Variants in TASOR observed in about 807,000 individuals in gnomAD.
TASOR encodes protein TASOR.
TASOR carries 53 observed loss-of-function variants against 178.6 expected under a neutral mutation model. That is an observed-to-expected ratio of 0.30 (90% CI 0.24 to 0.37). The LOEUF is 0.37. TASOR is among the 10% of genes least tolerant of loss of function. TASOR has a pLI of 1.00. For missense variants in TASOR, 1,815 were observed against 1,971.4 expected (o/e 0.92, Z 1.50); for synonymous variants, 713 against 696.2 (o/e 1.02, Z -0.38).
chr3:56,648,173 C>T (rs949431478), intron 13 of TASOR, among the ~76,000 whole-genome samples: 3 of 152,038 alleles, frequency 2.0e-5, no homozygotes, highest in Non-Finnish European at 4.4e-5. Context: ...CATGATCGCA[C>T]CACTGCCTGG....
Position 56,670,091 on chromosome 3 carries a change from G to C in TASOR, c.625C>G (p.Leu209Val). 1 of 1,539,318 alleles carries C rather than the reference G, an allele frequency of 6.5e-7. No homozygotes were observed. The highest frequency in any genetic ancestry group is 1.2e-5 in the South Asian group (1 of 80,596). Reference sequence around the variant, plus strand: ...AGATTACCCATGGAAGGACTGCCAAGAATTGTTATTTTGGACTGACCCACA... The same window carrying C: ...AGATTACCCATGGAAGGACTGCCAACAATTGTTATTTTGGACTGACCCACA... ...LHVGQSKITI[L>V]GSPSMGVYLS... The change falls in exon 4 of 24, where the codon CTT becomes GTT. Residue 209 changes from leucine (L) to valine (V), a missense_variant. Transcript: ENST00000683822.
rs141205048 is a variant in TASOR, at chr3:56,633,642, G to A, written c.3149C>T (p.Pro1050Leu). 10 of 1,613,774 alleles carry A rather than the reference G, an allele frequency of 6.2e-6. No individual in the cohort carries two copies. The highest frequency in any genetic ancestry group is 2.7e-5 in the African/African-American group (2 of 74,862). ...NVSYVSTVST[P>L]IFSTQEKMKR... is the part of the protein sequence containing the mutation. ...CATCTTCTCTTGTGTTGAAAAGATA[G>A]GTGTGGAAACTGTACTGACATATGA... Residue 1050 changes from proline (P) to leucine (L), a missense_variant, in exon 18 of 24, where the codon CCT (proline) becomes CTT (leucine). Pro to Leu is a moderately conservative substitution (Grantham distance 98, BLOSUM62 -3). Around this residue, in one of 5 missense-constraint regions of TASOR, gnomAD observed 655 missense variants for 671.1 expected, o/e 0.98. Coordinates refer to ENST00000683822, the MANE Select transcript of TASOR (RefSeq NM_001365635.2).
intron 15 of TASOR, 65 bp from the exon 16 acceptor site, chr3:56,640,195 G>C: frequency 6.9e-7 from 1 of 1,446,796 alleles, no homozygotes; most frequent in Non-Finnish European, 9.5e-7. Flanking sequence ...AGAATAAACT[G>C]TTTTTTCACT....
rs2076432425 is a variant in TASOR, at chr3:56,620,983, T to TCTA, written c.*2051_*2053dup. 1 of 137,906 alleles carries TCTA rather than the reference T, an allele frequency of 7.3e-6. No individual in the cohort carries two copies. The highest frequency in any genetic ancestry group is 1.6e-5 in the Non-Finnish European group (1 of 64,314). 8.5% of individuals were successfully genotyped at this position (137,906 alleles called of 1,614,324 possible). A position where few individuals can be genotyped will look rare whatever the true frequency, so the allele number is the denominator to read the frequency against. The stretch of plus-strand genomic sequence containing the variant: ...CTGGCTAACACAGTGAAACCCTGTC[T>TCTA]CTACTAAAAATACAAAAAGTTAGTT... On this transcript the variant is annotated 3_prime_UTR_variant, in exon 24 of 24. Coordinates refer to ENST00000683822, the MANE Select transcript of TASOR (RefSeq NM_001365635.2).
chr3:56,644,414 A>C (rs1008419451), intron 14 of TASOR, among the ~76,000 whole-genome samples: 1 of 151,932 alleles, frequency 6.6e-6, no homozygotes, highest in African/African-American at 2.4e-5. Context: ...TAAGGAGAAT[A>C]GACAGAAAGC....
Position 56,633,301 on chromosome 3 carries a change from G to A in TASOR, c.3490C>T (p.Pro1164Ser). 1 of 1,614,168 alleles carries A rather than the reference G, an allele frequency of 6.2e-7. No individual in the cohort carries two copies. Among genetic ancestry groups the A allele is most frequent in the Non-Finnish European group, 8.5e-7 (1 of 1,180,036 alleles). ...ACCATTAACTCTGTGGCATGTTGAGGCTGGTTCATTTCTACTTCAGTTAAA... is the reference window on the plus strand; with the variant it reads ...ACCATTAACTCTGTGGCATGTTGAGACTGGTTCATTTCTACTTCAGTTAAA... Reference protein sequence around the residue: ...SALTEVEMNQPQHATELMVTS... With the variant: ...SALTEVEMNQSQHATELMVTS... The change falls in exon 18 of 24, where the codon CCT (proline) becomes TCT (serine). Residue 1164 changes from proline to serine, a missense_variant. By Grantham distance (74) the Pro-to-Ser change is moderately conservative. This residue lies in a region of TASOR where 655 missense variants were observed against 671.1 expected (regional missense o/e 0.98). Transcript: ENST00000683822.
chr3:56,674,493 A>T (rs1246342860), intron 1 of TASOR, among the ~76,000 whole-genome samples: 2 of 152,118 alleles, frequency 1.3e-5, no homozygotes, highest in Non-Finnish European at 2.9e-5. Flanking sequence ...TGGGAGTGAG[A>T]GAGAGACCCT....
At chr3:56,656,441 A>T (rs2077470139) in intron 11 of TASOR, among the ~76,000 whole-genome samples, 1 of 151,812 alleles carries the variant, frequency 6.6e-6, no homozygotes, top group Non-Finnish European at 1.5e-5. Flanking sequence ...TACAAAAAAA[A>T]TTAGCCAGGT....
Position 56,621,403 on chromosome 3 carries a change from A to G in TASOR, c.*1634T>C. On this transcript the variant is annotated 3_prime_UTR_variant, in exon 24 of 24. Coordinates refer to ENST00000683822, the MANE Select transcript of TASOR (RefSeq NM_001365635.2). ...GTGGTCTAGTACAAGCATTTCTGAA[A>G]AAATTTTTGAATGACAAAATTTTAT... is the stretch of plus-strand genomic sequence containing the variant. 1.7e-6 allele frequency: 1 copy of G among 579,102 alleles called. No individual in the cohort carries two copies. Among genetic ancestry groups the G allele is most frequent in the Non-Finnish European group, 3.0e-6 (1 of 334,020 alleles). The allele number at this position is 579,102 out of a possible 1,614,324, so 35.9% of individuals were successfully genotyped here.
In TASOR at chr3:56,621,457, T is replaced by C; in HGVS notation, c.*1580A>G. On this transcript the variant is annotated 3_prime_UTR_variant, in exon 24 of 24. Coordinates refer to ENST00000683822, the MANE Select transcript of TASOR (RefSeq NM_001365635.2). ...AAGCGATATGTTTTCCAAGTGAATATAATTCTAGTTTAACACAACATTGCA... is the reference window on the plus strand; with the variant it reads ...AAGCGATATGTTTTCCAAGTGAATACAATTCTAGTTTAACACAACATTGCA... The C allele has an allele frequency of 1.0e-6, 1 of 1,004,704 alleles. No homozygotes were observed. Among genetic ancestry groups the C allele is most frequent in the Non-Finnish European group, 1.5e-6 (1 of 688,096 alleles). The allele number at this position is 1,004,704 out of a possible 1,614,324, so 62.2% of individuals were successfully genotyped here. A position where few individuals can be genotyped will look rare whatever the true frequency, so the allele number is the denominator to read the frequency against.
At chr3:56,626,417 T>C (rs2107528447) in intron 21 of TASOR, among the ~76,000 whole-genome samples, 1 of 152,180 alleles carries the variant, frequency 6.6e-6, no homozygotes, top group East Asian at 1.9e-4. Flanking sequence ...GGAGAGGGCC[T>C]GATGTAGTTG....
At chr3:56,673,433 CAAAAAAAAAAA>C (rs5849162) in intron 2 of TASOR, 136 bp downstream of exon 2, 57 of 194,764 alleles carry the variant, frequency 2.9e-4, no homozygotes, top group Middle Eastern at 3.8e-3. Flanking sequence ...ACTCCGTCTC[CAAAAAAAAAAA>C]AAAAAAAAAA....
At position 56,649,033 on chromosome 3, in the gene TASOR, G is replaced by C. The variant is rs989358817; in HGVS notation, c.1393C>G (p.Arg465Gly). The part of the protein sequence containing the change: ...KLVLVKPLGD[R>G]GYLFLLSPYQ... ...GGGGAGAGAAGAAAAAGGTATCCTCGGTCTCCCAAAGGTTTAACAAGAACC... is the reference window on the plus strand; with the variant it reads ...GGGGAGAGAAGAAAAAGGTATCCTCCGTCTCCCAAAGGTTTAACAAGAACC... Residue 465 changes from arginine (R) to glycine (G), a missense_variant, in exon 12 of 24, where the codon CGA (arginine) becomes GGA (glycine). Transcript: ENST00000683822. 2 of 1,608,828 alleles carry C rather than the reference G, an allele frequency of 1.2e-6. No homozygotes were observed. Among genetic ancestry groups the C allele is most frequent in the Non-Finnish European group, 1.7e-6 (2 of 1,178,456 alleles).
At chr3:56,673,433 C>CAA (rs5849162) in intron 2 of TASOR, 147 bp downstream of exon 2, 5,973 of 193,374 alleles carry the variant, frequency 0.031, 33 homozygotes, top group Non-Finnish European at 0.039. Flanking sequence ...ACTCCGTCTC[C>CAA]AAAAAAAAAA....
chr3:56,680,886 G>T (rs1324017410), intron 1 of TASOR, among the ~76,000 whole-genome samples: 2 of 152,074 alleles, frequency 1.3e-5, no homozygotes, highest in Non-Finnish European at 2.9e-5. Context: ...GGGGACAACA[G>T]CTAGATTTAT....
At chr3:56,624,330 A>T in intron 23 of TASOR, 149 bp downstream of exon 23, 1 of 715,646 alleles carries the variant, frequency 1.4e-6, no homozygotes, top group Non-Finnish European at 2.3e-6. Flanking sequence ...GCTAAGTATT[A>T]GAATGATAAA....
intron 14 of TASOR, among the ~76,000 whole-genome samples, chr3:56,642,001 T>G (rs1242838109): frequency 6.6e-6 from 1 of 152,222 alleles, no homozygotes; most frequent in African/African-American, 2.4e-5. Context: ...AATAAGCTCA[T>G]GCATTAGGTT....
rs1384897451 is a variant in TASOR at position 56,661,016 on chromosome 3, G to A, written c.1162C>T (p.Pro388Ser). Reference protein sequence around the residue: ...ATRAFLPIKLPEKLDVETVMS... With the variant: ...ATRAFLPIKLSEKLDVETVMS... ...ACTGTTTCAACATCTAATTTCTCAG[G>A]TCTGAAAGAAAATTTTAAAAACATG... Residue 388 changes from proline to serine, a missense_variant and splice_region_variant, in exon 10 of 24, where the codon CCT (proline) becomes TCT (serine). Pro to Ser is a moderately conservative substitution (Grantham distance 74). Transcript: ENST00000683822. The A allele has an allele frequency of 6.3e-7, 1 of 1,586,798 alleles. No individual in the cohort carries two copies. The highest frequency in any genetic ancestry group is 8.6e-7 in the Non-Finnish European group (1 of 1,163,600).
Position 56,621,610 on chromosome 3 carries a change from TC to T in TASOR, c.*1426del. On this transcript the variant is annotated 3_prime_UTR_variant, in exon 24 of 24. Transcript: ENST00000683822. Reference sequence around the variant, plus strand: ...AAATCAAGAAGAGAGTTTTGGTTCTTCATTTTAAATGTAGAAAATCAAATCC... The same window carrying T: ...AAATCAAGAAGAGAGTTTTGGTTCTTATTTTAAATGTAGAAAATCAAATCC... 1 of 1,593,964 alleles carries T rather than the reference TC, an allele frequency of 6.3e-7. No homozygotes were observed. The highest frequency in any genetic ancestry group is 8.6e-7 in the Non-Finnish European group (1 of 1,169,568).
Sources: gnomAD v4.1 joint callset for allele counts (sites outside exome capture counted in the v4.1 genomes callset) on GRCh38, gnomAD v4.1.1 for gene constraint, gnomAD v4.1.1 regional missense constraint, MANE v1.5 for transcripts, NCBI Gene and HGNC (gene_info 2026-07-23, HGNC 2026-07-21) for gene names.